The following C2orf76 variants were observed in gnomAD, a reference collection of about 807,000 sequenced individuals.
C2orf76 encodes chromosome 2 open reading frame 76, also known as UPF0538 protein C2orf76.
C2orf76 carries 23 observed loss-of-function variants against 16.9 expected under a neutral mutation model. The ratio of observed to expected loss-of-function variants is 1.36; its 90% CI spans 0.98 to 1.93. The LOEUF is 1.93. Ranked by LOEUF, C2orf76 falls within the 30% of genes most tolerant of loss-of-function variation. The probability of loss-of-function intolerance (pLI) is 0.00; values close to 1 mark genes in which losing one functional copy is unlikely to be tolerated. For missense variants in C2orf76, 152 were observed against 152.6 expected (o/e 1.00, Z 0.02); for synonymous variants, 48 against 52.3 (o/e 0.92, Z 0.35).
intron 1 of C2orf76, among the ~76,000 whole-genome samples, chr2:119,359,503 C>T (rs1680676549): frequency 6.6e-6 from 1 of 152,154 alleles, no homozygotes; most frequent in African/African-American, 2.4e-5. Flanking sequence ...AAAGGATTCA[C>T]CATTCTAAAG....
intron 2 of C2orf76, among the ~76,000 whole-genome samples, chr2:119,330,238 G>T (rs57880697): frequency 2.0e-4 from 30 of 151,856 alleles, no homozygotes; most frequent in African/African-American, 6.3e-4. Context: ...TTAGCTGGGC[G>T]TGGTGGCACA....
At chr2:119,292,034 C>T in the C2orf76 span, among the ~76,000 whole-genome samples, 3 of 152,058 alleles carry the variant, frequency 2.0e-5, no homozygotes, top group African/African-American at 7.2e-5. Context: ...TATGTCCAAG[C>T]GGAGCTCTCT....
intron 2 of C2orf76, among the ~76,000 whole-genome samples, chr2:119,334,609 G>C (rs1202310578): frequency 6.6e-6 from 1 of 151,678 alleles, no homozygotes; most frequent in African/African-American, 2.4e-5. Context: ...AGAATCACCA[G>C]GGTCCGGGAG....
chr2:119,337,421 G>A (rs948766291), intron 2 of C2orf76, among the ~76,000 whole-genome samples: 10 of 152,026 alleles, frequency 6.6e-5, no homozygotes, highest in African/African-American at 2.4e-4. Context: ...CTGTAAAATG[G>A]TTCCAACTTT....
chr2:119,348,693 AAAAAG>A (rs1045925154), intron 1 of C2orf76, among the ~76,000 whole-genome samples: 1 of 151,914 alleles, frequency 6.6e-6, no homozygotes, highest in African/African-American at 2.4e-5. Context: ...TCTTAAAAAA[AAAAAG>A]AAAAGAAGTT....
downstream of C2orf76, among the ~76,000 whole-genome samples, chr2:119,298,255 TTTAG>T (rs768150476): frequency 7.9e-5 from 12 of 152,258 alleles, no homozygotes; most frequent in Non-Finnish European, 1.2e-4. Context: ...GTTTTTCATG[TTTAG>T]TTATTTAACC....
the C2orf76 span, among the ~76,000 whole-genome samples, chr2:119,287,611 A>T: frequency 0.031 from 4,750 of 152,232 alleles, 89 homozygotes; most frequent in South Asian, 0.082. Context: ...GACATGGAAG[A>T]TCTGAGGAGA....
At chr2:119,327,597 G>C (rs1340155233) in intron 2 of C2orf76, among the ~76,000 whole-genome samples, 1 of 151,946 alleles carries the variant, frequency 6.6e-6, no homozygotes, top group Non-Finnish European at 1.5e-5. Context: ...TGTTTAAAAA[G>C]AGCCTGATAT....
the C2orf76 span, among the ~76,000 whole-genome samples, chr2:119,284,202 T>C: frequency 7.6e-4 from 115 of 152,246 alleles, no homozygotes; most frequent in East Asian, 0.019. Context: ...CCAATCGTCA[T>C]AGCCAGGACA....
the C2orf76 span, among the ~76,000 whole-genome samples, chr2:119,291,477 G>A: frequency 6.6e-6 from 1 of 151,880 alleles, no homozygotes; most frequent in South Asian, 2.1e-4. Flanking sequence ...GGGGAAAATT[G>A]CAACCAGAAG....
chr2:119,347,564 A>G (rs970346868), intron 1 of C2orf76, among the ~76,000 whole-genome samples: 2 of 152,104 alleles, frequency 1.3e-5, no homozygotes, highest in African/African-American at 4.8e-5. Context: ...CAATTATAGA[A>G]GCGTAGATTA....
intron 1 of C2orf76, among the ~76,000 whole-genome samples, chr2:119,342,628 A>T (rs1680069604): frequency 6.6e-6 from 1 of 152,130 alleles, no homozygotes; most frequent in African/African-American, 2.4e-5. Flanking sequence ...CAAAAAAGAA[A>T]AAAAAAAAGA....
chr2:119,283,417 C>T, the C2orf76 span, among the ~76,000 whole-genome samples: 2 of 152,194 alleles, frequency 1.3e-5, no homozygotes, highest in African/African-American at 4.8e-5. Flanking sequence ...CCTTCTCCCC[C>T]TCTCTCTTCC....
chr2:119,324,444 C>T (rs1014799746), intron 2 of C2orf76, among the ~76,000 whole-genome samples: 1 of 152,092 alleles, frequency 6.6e-6, no homozygotes, highest in Admixed American at 6.5e-5. Context: ...ATAAATTCCT[C>T]GGGATGAAAA....
chr2:119,292,502 A>G, the C2orf76 span, among the ~76,000 whole-genome samples: 1 of 152,186 alleles, frequency 6.6e-6, no homozygotes, highest in East Asian at 1.9e-4. Context: ...CAGACCGACA[A>G]AAACAAACTA....
At chr2:119,318,899 T>C (rs1679260304) in intron 3 of C2orf76, among the ~76,000 whole-genome samples, 1 of 151,936 alleles carries the variant, frequency 6.6e-6, no homozygotes, top group African/African-American at 2.4e-5. Context: ...AAATCTAACC[T>C]AAGTAAAATA....
chr2:119,283,449 A>C, the C2orf76 span, among the ~76,000 whole-genome samples: 5 of 151,308 alleles, frequency 3.3e-5, no homozygotes, highest in Non-Finnish European at 7.4e-5. Flanking sequence ...TCTATTTTAC[A>C]ATGGTTCTTT....
At chr2:119,288,282 G>A in the C2orf76 span, among the ~76,000 whole-genome samples, 6 of 151,024 alleles carry the variant, frequency 4.0e-5, no homozygotes, top group South Asian at 2.1e-4. Flanking sequence ...TCAGCCTCCC[G>A]AGTAGCTCGG....
chr2:119,350,076 G>GCCCCCCC (rs1344357904), intron 1 of C2orf76, among the ~76,000 whole-genome samples: 6 of 32,834 alleles, frequency 1.8e-4, no homozygotes, highest in Admixed American at 3.1e-4. Flanking sequence ...ACCGCCCCCC[G>GCCCCCCC]CCCCCCCACC....
Sources: allele counts gnomAD v4.1 joint callset (sites outside exome capture counted in the v4.1 genomes callset), GRCh38; gene constraint gnomAD v4.1.1; transcripts MANE v1.5; gene names NCBI Gene and HGNC (gene_info 2026-07-23, HGNC 2026-07-21).